CS: variants seen among roughly 807,000 people sequenced by gnomAD.
CS encodes citrate synthase, also known as citrate synthase, mitochondrial.
In CS, 13 loss-of-function variants were observed where a neutral mutation model predicts 61.4. The ratio of observed to expected loss-of-function variants is 0.21; its 90% CI spans 0.14 to 0.34. The LOEUF (loss-of-function observed/expected upper bound fraction) is 0.34. Ranked by LOEUF, CS falls within the 10% of genes least tolerant of loss-of-function variation. The probability of loss-of-function intolerance (pLI) is 1.00; values close to 1 mark genes in which losing one functional copy is unlikely to be tolerated. For synonymous variants in CS, 159 were observed against 215.2 expected (o/e 0.74, Z 2.29); for missense variants, 278 against 573.4 (o/e 0.48, Z 5.26).
intron 3 of CS, among the ~76,000 whole-genome samples, chr12:56,284,079 G>A (rs926802418): frequency 1.8e-4 from 27 of 152,200 alleles, no homozygotes; most frequent in African/African-American, 6.3e-4. Flanking sequence ...CCAGCACTTT[G>A]GGAAGCCGAG....
At chr12:56,285,893 A>G (rs1391765411) in intron 3 of CS, 23 bp downstream of exon 3, 6 of 1,592,308 alleles carry the variant, frequency 3.8e-6, no homozygotes, top group Non-Finnish European at 5.2e-6. Flanking sequence ...TACTTTTCCC[A>G]GCCAAAGCCA....
In CS at chr12:56,273,750, C is replaced by T. The variant is rs776147655; in HGVS notation, c.1067G>A (p.Arg356Gln). ...GHAVLRKTDP[R>Q]YTCQREFALK... ...AGCAAACTCTCGCTGACAGGTATAT[C>T]GCGGATCAGTCTTCCTTAGTACTGC... is the stretch of plus-strand genomic sequence containing the variant. The change falls in exon 10 of 11, where the codon CGA becomes CAA. Residue 356 changes from arginine (R) to glutamine (Q), a missense_variant. Coordinates refer to ENST00000351328, the MANE Select transcript of CS (RefSeq NM_004077.3). The T allele has an allele frequency of 6.2e-7, 1 of 1,614,180 alleles. No individual in the cohort carries two copies. Among genetic ancestry groups the T allele is most frequent in the East Asian group, 2.2e-5 (1 of 44,890 alleles).
intron 1 of CS, among the ~76,000 whole-genome samples, chr12:56,288,831 T>A (rs552322214): frequency 1.3e-3 from 201 of 150,406 alleles, no homozygotes; most frequent in African/African-American, 4.6e-3. Context: ...AAAAAAAAAA[T>A]TTTTTTTTGT....
intron 1 of CS, among the ~76,000 whole-genome samples, chr12:56,288,867 C>T (rs914252460): frequency 6.6e-6 from 1 of 151,870 alleles, no homozygotes; most frequent in Non-Finnish European, 1.5e-5. Flanking sequence ...CTCTGTTGCC[C>T]AGGCTGGCCT....
chr12:56,287,451 C>T (rs1872972604), intron 1 of CS, among the ~76,000 whole-genome samples: 2 of 130,542 alleles, frequency 1.5e-5, no homozygotes, highest in Non-Finnish European at 3.1e-5. Flanking sequence ...CACTGCACTC[C>T]AGCCTGGGCA....
At chr12:56,286,700 T>C in intron 1 of CS, 55 bp from the exon 2 acceptor site, 1 of 1,471,286 alleles carries the variant, frequency 6.8e-7, no homozygotes, top group Non-Finnish European at 9.5e-7. Flanking sequence ...TCTTTTATAT[T>C]AACAAGAAGG....
rs1450414206 is a variant in CS, at chr12:56,300,231, G to T, written c.-30C>A. 6.5e-7 allele frequency: 1 copy of T among 1,550,212 alleles called. No individual in the cohort carries two copies. Among genetic ancestry groups the T allele is most frequent in the Admixed American group, 2.0e-5 (1 of 50,600 alleles). ...GGCGATCTCCGGGATCTGGTGGGGA[G>T]GTAAGAAAGGGAGAGAGCTGCGGCA... On this transcript the variant is annotated 5_prime_UTR_variant, in exon 1 of 11. Transcript: ENST00000351328.
intron 6 of CS, among the ~76,000 whole-genome samples, chr12:56,279,390 G>C (rs759577570): frequency 5.3e-5 from 8 of 151,840 alleles, no homozygotes; most frequent in Non-Finnish European, 1.2e-4. Flanking sequence ...ATAATCCCCA[G>C]CACTTTGTGA....
At chr12:56,294,650 T>C (rs1873239315) in intron 1 of CS, among the ~76,000 whole-genome samples, 1 of 151,208 alleles carries the variant, frequency 6.6e-6, no homozygotes, top group South Asian at 2.1e-4. Flanking sequence ...CACTGAAACC[T>C]CCACCCCCTG....
rs1565620560 is a variant in CS at position 56,280,427 on chromosome 12, A to AC, written c.588+1992_588+1993insG. 1.2e-4 allele frequency among the ~76,000 whole-genome samples: 17 copies of AC among 140,836 alleles called. 1 individual carries two copies. The highest frequency in any genetic ancestry group is 7.3e-3 in the Middle Eastern group (2 of 274). The allele number at this position is 140,836 out of a possible 152,430, so 92.4% of individuals were successfully genotyped here. On this transcript the variant is annotated intron_variant, in intron 6 of 10. Transcript: ENST00000351328. ...AAGACACCGTCTCCCAAAAAAAACA[A>AC]AAAAAAAAAACAAAAAAATTAGCCA...
intron 3 of CS, among the ~76,000 whole-genome samples, chr12:56,285,596 C>G (rs1479588481): frequency 6.6e-6 from 1 of 152,142 alleles, no homozygotes; most frequent in Admixed American, 6.6e-5. Context: ...TGTTTGATTC[C>G]TTTTCTTATT....
chr12:56,282,934 T>C lies in CS; in HGVS notation c.325A>G (p.Lys109Glu), dbSNP rs761131093. ...TCAGGCAGGGGTTCTTCCCCACCCTTAGCCTTGGGTAGCAGTTTCTGGCAT... is the reference window on the plus strand; with the variant it reads ...TCAGGCAGGGGTTCTTCCCCACCCTCAGCCTTGGGTAGCAGTTTCTGGCAT... Reference protein sequence around the residue: ...PECQKLLPKAKGGEEPLPEGL... With the variant: ...PECQKLLPKAEGGEEPLPEGL... The change falls in exon 5 of 11, where the codon AAG becomes GAG. Residue 109 changes from lysine (K) to glutamate (E), a missense_variant. This residue lies in a region of CS where 223 missense variants were observed against 503.5 expected (regional missense o/e 0.44). Transcript: ENST00000351328. 1 of 1,614,120 alleles carries C rather than the reference T, an allele frequency of 6.2e-7. No individual in the cohort carries two copies. The highest frequency in any genetic ancestry group is 8.5e-7 in the Non-Finnish European group (1 of 1,180,010).
intron 1 of CS, among the ~76,000 whole-genome samples, chr12:56,295,846 C>T (rs915895179): frequency 1.4e-5 from 2 of 141,816 alleles, no homozygotes; most frequent in Non-Finnish European, 1.5e-5. Flanking sequence ...CCCAGCTACT[C>T]AGGAGGCTGA....
In CS at chr12:56,272,183, G is replaced by A. The variant is rs558636513; in HGVS notation, c.*901C>T. On this transcript the variant is annotated 3_prime_UTR_variant, in exon 11 of 11. Transcript: ENST00000351328. ...CTGAAAATATCATGCTGGTCATTCC[G>A]GAGTTCTATGCCCCACAGCATATTA... The A allele has an allele frequency of 2.6e-5, 7 of 270,294 alleles. No individual in the cohort carries two copies. Among genetic ancestry groups the A allele is most frequent in the East Asian group, 2.2e-4 (2 of 9,076 alleles). 16.7% of individuals were successfully genotyped at this position (270,294 alleles called of 1,614,324 possible).
At chr12:56,282,741 T>G in intron 5 of CS, 119 bp downstream of exon 5, 2 of 1,545,788 alleles carry the variant, frequency 1.3e-6, no homozygotes, top group South Asian at 2.4e-5. Context: ...AGAACTCTGC[T>G]GATTCCTTCC....
intron 6 of CS, among the ~76,000 whole-genome samples, chr12:56,278,599 T>A (rs1209312019): frequency 2.0e-5 from 3 of 151,736 alleles, no homozygotes; most frequent in African/African-American, 7.3e-5. Flanking sequence ...TAGATGGGCG[T>A]GGTGGCTTGC....
At chr12:56,292,868 C>T (rs1337193795) in intron 1 of CS, among the ~76,000 whole-genome samples, 1 of 151,942 alleles carries the variant, frequency 6.6e-6, no homozygotes, top group Admixed American at 6.6e-5. Flanking sequence ...CGCACCACTG[C>T]ACTCCAGCCT....
intron 4 of CS, among the ~76,000 whole-genome samples, 187 bp downstream of exon 4, chr12:56,283,601 TTTTA>T (rs1282749208): frequency 6.6e-6 from 1 of 152,228 alleles, no homozygotes; most frequent in Non-Finnish European, 1.5e-5. Context: ...GGTTTTGTAC[TTTTA>T]TTTTTACTAG....
intron 6 of CS, among the ~76,000 whole-genome samples, chr12:56,280,415 C>CAAAAA (rs1565620524): frequency 1.7e-4 from 2 of 11,458 alleles, no homozygotes; most frequent in African/African-American, 1.9e-4. Context: ...ACACCGTCTC[C>CAAAAA]CAAAAAAAAC....
Sources: gnomAD v4.1 joint callset for allele counts (sites outside exome capture counted in the v4.1 genomes callset) on GRCh38, gnomAD v4.1.1 for gene constraint, gnomAD v4.1.1 regional missense constraint, MANE v1.5 for transcripts, NCBI Gene and HGNC (gene_info 2026-07-23, HGNC 2026-07-21) for gene names.